Variants in BRSK1 observed in about 807,000 individuals in gnomAD.
The protein encoded by BRSK1 is serine/threonine-protein kinase BRSK1.
Under a neutral mutation model 86.2 loss-of-function variants are expected in BRSK1, and 17 were observed. That is an observed-to-expected ratio of 0.20 (90% CI 0.14 to 0.30). BRSK1 has a LOEUF of 0.30. Among genes scored for constraint, BRSK1 ranks in the 10% least tolerant of loss-of-function variants. The pLI is 1.00. For missense variants in BRSK1, 719 were observed against 1,071.9 expected (o/e 0.67, Z 4.60); for synonymous variants, 464 against 440.1 (o/e 1.05, Z -0.68).
At position 55,284,559 on chromosome 19, in the gene BRSK1, G is replaced by C. The variant is rs200610753; in HGVS notation, c.117G>C (p.Thr39=). ...QYVGPYRLEK[T]LGKGQTGLVK... ...TGGGCCCCTATCGGCTGGAGAAGAC[G>C]CTGGGCAAAGGACAGACAGGTGAGC... The change falls in exon 1 of 19, where the codon ACG becomes ACC. Residue 39 remains threonine, a synonymous_variant. Coordinates refer to ENST00000309383, the MANE Select transcript of BRSK1 (RefSeq NM_032430.2). The C allele has an allele frequency of 1.8e-6, 2 of 1,120,598 alleles. No homozygotes were observed. Among genetic ancestry groups the C allele is most frequent in the South Asian group, 2.3e-5 (1 of 42,622 alleles). The allele number at this position is 1,120,598 out of a possible 1,614,324, so 69.4% of individuals were successfully genotyped here.
At position 55,295,031 on chromosome 19, in the gene BRSK1, G is replaced by A. The variant is rs186306080; in HGVS notation, c.678+634G>A. 4.2e-3 allele frequency among the ~76,000 whole-genome samples: 632 copies of A among 152,196 alleles called. 2 individuals are homozygous for A. Among genetic ancestry groups the A allele is most frequent in the African/African-American group, 0.014 (597 of 41,522 alleles). ...TGGCCAGGTTGGTTTCGAACTCCTG[G>A]CCTCAAGTGATCCACCCTCCTCGGC... On this transcript the variant is annotated intron_variant, in intron 7 of 18. Coordinates refer to ENST00000309383, the MANE Select transcript of BRSK1 (RefSeq NM_032430.2).
rs371708220 is a variant in BRSK1, at chr19:55,303,710, C to T, written c.1170C>T (p.His390=). Residue 390 remains histidine (H), a synonymous_variant, in exon 12 of 19, where the codon CAC becomes CAT. Transcript: ENST00000309383. This position sits in a 1 kb window ranked among gnomAD's most constrained non-coding sequence, Gnocchi z 5.1. ...TGGATTCTCCCATGCTGAGCCGTCA[C>T]GGGAAGCGGCGACCAGAGCGGAAGT... ...KRVDSPMLSR[H]GKRRPERKSM... is the part of the protein sequence containing the mutation. The T allele has an allele frequency of 2.5e-6, 4 of 1,612,922 alleles. No individual in the cohort carries two copies. Among genetic ancestry groups the T allele is most frequent in the East Asian group, 2.2e-5 (1 of 44,880 alleles).
rs1321591963 is a variant in BRSK1 at position 55,304,580 on chromosome 19, G to A, written c.1377G>A (p.Pro459=). 4 of 1,582,544 alleles carry A rather than the reference G, an allele frequency of 2.5e-6. No individual in the cohort carries two copies. The highest frequency in any genetic ancestry group is 1.1e-5 in the South Asian group (1 of 87,176). ...CGGTCTTTTCCTTTTCACCGGAGCC[G>A]GGGGCTGGAGATGAGGCTCGAGGCG... is the stretch of plus-strand genomic sequence containing the variant. ...RSPVFSFSPE[P]GAGDEARGGG... The change falls in exon 14 of 19, where the codon CCG becomes CCA. Residue 459 remains proline, a synonymous_variant. Coordinates refer to ENST00000309383, the MANE Select transcript of BRSK1 (RefSeq NM_032430.2). The surrounding 1 kb of genome is among the most constrained non-coding windows in gnomAD (Gnocchi z 5.2).
Position 55,295,140 on chromosome 19 carries a change from T to A in BRSK1, c.678+743T>A, listed in dbSNP as rs191623591. ...TATTTTTATTTTTATTTTTATTTTT[T>A]GAGAGAGGATCTCTCTCTGTCGCCC... is the stretch of plus-strand genomic sequence containing the variant. On this transcript the variant is annotated intron_variant, in intron 7 of 18. Coordinates refer to ENST00000309383, the MANE Select transcript of BRSK1 (RefSeq NM_032430.2). Among the ~76,000 whole-genome samples the A allele has an allele frequency of 4.2e-3, 633 of 149,248 alleles. 2 individuals are homozygous for A. The highest frequency in any genetic ancestry group is 0.015 in the African/African-American group (605 of 40,796).
rs779166281 is a variant in BRSK1, at chr19:55,294,385, C to T, written c.666C>T (p.Phe222=). 64 of 1,613,912 alleles carry T rather than the reference C, an allele frequency of 4.0e-5. No individual in the cohort carries two copies. The highest frequency in any genetic ancestry group is 4.5e-5 in the Non-Finnish European group (53 of 1,180,012). The part of the protein sequence containing the change: ...ADMWSCGVIL[F]ALLVGALPFD... ...TGTGGAGCTGTGGAGTCATCCTCTT[C>T]GCCCTGCTCGTGGTAAGGCGCCCTC... The change falls in exon 7 of 19, where the codon TTC becomes TTT. Residue 222 remains phenylalanine, a synonymous_variant. Transcript: ENST00000309383. The surrounding 1 kb of genome is among the most constrained non-coding windows in gnomAD (Gnocchi z 4.9).
At position 55,306,526 on chromosome 19, in the gene BRSK1, G is replaced by A; in HGVS notation, c.2089+76G>A. The A allele has an allele frequency of 6.5e-7, 1 of 1,535,752 alleles. No individual in the cohort carries two copies. The highest frequency in any genetic ancestry group is 8.9e-7 in the Non-Finnish European group (1 of 1,124,448). On this transcript the variant is annotated intron_variant, in intron 17 of 18. Coordinates refer to ENST00000309383, the MANE Select transcript of BRSK1 (RefSeq NM_032430.2). The surrounding 1 kb of genome is among the most constrained non-coding windows in gnomAD (Gnocchi z 4.7). ...ACAGCTGAGACAGTGTAGGGGCCCA[G>A]GAGTGCAGCAGCAGGAGGAGGAAAT...
chr19:55,301,643 C>T lies in BRSK1; in HGVS notation c.810C>T (p.Pro270=), dbSNP rs760292580. The change falls in exon 8 of 19, where the codon CCC becomes CCT. Residue 270 remains proline, a synonymous_variant. Transcript: ENST00000309383. ...TGAGGGGAATGATCGAAGTGGAGCCCGAAAAAAGGCTCAGTGTGAGTTGAG... is the reference window on the plus strand; with the variant it reads ...TGAGGGGAATGATCGAAGTGGAGCCTGAAAAAAGGCTCAGTGTGAGTTGAG... ...SLLRGMIEVE[P]EKRLSLEQIQ... 1.3e-5 allele frequency: 21 copies of T among 1,609,998 alleles called. No individual in the cohort carries two copies. In the East Asian group the frequency reaches 4.2e-4, roughly 33 times the overall value.
rs1052849186 is a variant in BRSK1, at chr19:55,284,474, G to C, written c.32G>C (p.Gly11Ala). 24 of 1,324,386 alleles carry C rather than the reference G, an allele frequency of 1.8e-5. No individual in the cohort carries two copies. The highest frequency in any genetic ancestry group is 2.3e-5 in the Non-Finnish European group (23 of 1,013,722). 82.0% of individuals were successfully genotyped at this position (1,324,386 alleles called of 1,614,324 possible). Residue 11 changes from glycine (G) to alanine (A), a missense_variant, in exon 1 of 19, where the codon GGC becomes GCC. By Grantham distance (60) the Gly-to-Ala change is moderately conservative (BLOSUM62 0). Transcript: ENST00000309383. ...TCCGGGGCCAAGGAGGGAGGTGGGG[G>C]CTCTCCCGCCTACCACCTCCCCCAC... Reference protein sequence around the residue: MSSGAKEGGGGSPAYHLPHPH... With the variant: MSSGAKEGGGASPAYHLPHPH...
intron 1 of BRSK1, among the ~76,000 whole-genome samples, chr19:55,285,898 G>T (rs1600167518): frequency 6.6e-6 from 1 of 152,200 alleles, no homozygotes; most frequent in South Asian, 2.1e-4. Flanking sequence ...TGAAGGTGTT[G>T]CTGACCTGAA....
chr19:55,294,013 T>G lies in BRSK1; in HGVS notation c.459-4T>G, dbSNP rs1266817755. ...GAGGCCTGAGTCCCACCTGGCTGTC[T>G]CAGCCACAGAGACCTAAAGCCCGAG... On this transcript the variant is annotated splice_polypyrimidine_tract_variant and splice_region_variant and intron_variant, in intron 4 of 18. Coordinates refer to ENST00000309383, the MANE Select transcript of BRSK1 (RefSeq NM_032430.2). The surrounding 1 kb of genome is among the most constrained non-coding windows in gnomAD (Gnocchi z 4.9). The G allele has an allele frequency of 6.2e-7, 1 of 1,608,598 alleles. No individual in the cohort carries two copies. Among genetic ancestry groups the G allele is most frequent in the Non-Finnish European group, 8.5e-7 (1 of 1,176,730 alleles).
At chr19:55,300,004 T>C (rs2122968887) in intron 7 of BRSK1, among the ~76,000 whole-genome samples, 1 of 152,226 alleles carries the variant, frequency 6.6e-6, no homozygotes, top group Non-Finnish European at 1.5e-5. Context: ...GCCCTGGTGA[T>C]TGGAAGCATT....
chr19:55,305,571 C>T lies in BRSK1; in HGVS notation c.1875C>T (p.Val625=), dbSNP rs1051784130. Residue 625 remains valine, a synonymous_variant, in exon 16 of 19, where the codon GTC becomes GTT. Transcript: ENST00000309383. The stretch of plus-strand genomic sequence containing the variant: ...TCAGCAGCATCAAAGCAGACATCGT[C>T]CATGCCTTTCTGTCGGTGAGGGGCC... ...KPLSSIKADI[V]HAFLSIPSLS... 11 of 1,614,064 alleles carry T rather than the reference C, an allele frequency of 6.8e-6. No individual in the cohort carries two copies. Among genetic ancestry groups the T allele is most frequent in the Admixed American group, 5.0e-5 (3 of 60,010 alleles).
chr19:55,304,633 C>A lies in BRSK1; in HGVS notation c.1430C>A (p.Thr477Lys). 1.3e-6 allele frequency: 2 copies of A among 1,539,152 alleles called. No individual in the cohort carries two copies. Among genetic ancestry groups the A allele is most frequent in the Middle Eastern group, 2.0e-4 (1 of 4,890 alleles). ...GGCTCCCCGACTTCCAAAACGCAGA[C>A]GCTGCCTTCTCGGGGCCCCAGGGGT... ...GGGSPTSKTQ[T>K]LPSRGPRGGG... The change falls in exon 14 of 19, where the codon ACG becomes AAG. Residue 477 changes from threonine (T) to lysine (K), a missense_variant. Thr to Lys is a moderately conservative substitution (Grantham distance 78, BLOSUM62 -1). Around this residue, in one of 6 missense-constraint regions of BRSK1, gnomAD observed 143 missense variants for 120.1 expected, o/e 1.19. Transcript: ENST00000309383. The surrounding 1 kb of genome is among the most constrained non-coding windows in gnomAD (Gnocchi z 5.2).
intron 4 of BRSK1, among the ~76,000 whole-genome samples, chr19:55,291,565 A>G (rs1201622082): frequency 6.6e-6 from 1 of 152,202 alleles, no homozygotes; most frequent in African/African-American, 2.4e-5. Context: ...TAGCCTCCAA[A>G]TCAGATATTA....
chr19:55,290,095 A>T (rs2088381798), intron 4 of BRSK1, among the ~76,000 whole-genome samples: 1 of 152,100 alleles, frequency 6.6e-6, no homozygotes, highest in Non-Finnish European at 1.5e-5. Flanking sequence ...CCCAGGTTCA[A>T]TTGATTCTCC....
chr19:55,285,401 C>T (rs1157631044), intron 1 of BRSK1, among the ~76,000 whole-genome samples: 1 of 152,074 alleles, frequency 6.6e-6, no homozygotes, highest in Non-Finnish European at 1.5e-5. Flanking sequence ...ATGGAGGCGG[C>T]CTGCAGAGTG....
intron 1 of BRSK1, 100 bp downstream of exon 1, chr19:55,284,678 GACCC>G: frequency 3.8e-6 from 4 of 1,049,290 alleles, no homozygotes; most frequent in Non-Finnish European, 5.0e-6. Flanking sequence ...TGGCTGCCCA[GACCC>G]CTGGGCCCCT....
chr19:55,289,941 C>T (rs1380027201), intron 4 of BRSK1, among the ~76,000 whole-genome samples: 3 of 152,146 alleles, frequency 2.0e-5, no homozygotes, highest in African/African-American at 7.2e-5. Flanking sequence ...ATGGATTTAC[C>T]TATTCTAGAC....
In BRSK1 at chr19:55,302,305, G is replaced by A. The variant is rs2088583245; in HGVS notation, c.857+137G>A. ...CTAGGGACTCGGACTTATGGGTCCTGGGGGAAGAGGACACAGCTAGAGAAG... is the reference window on the plus strand; with the variant it reads ...CTAGGGACTCGGACTTATGGGTCCTAGGGGAAGAGGACACAGCTAGAGAAG... On this transcript the variant is annotated intron_variant, in intron 9 of 18. Coordinates refer to ENST00000309383, the MANE Select transcript of BRSK1 (RefSeq NM_032430.2). This position sits in a 1 kb window ranked among gnomAD's most constrained non-coding sequence, Gnocchi z 6.3. 1.0e-6 allele frequency: 1 copy of A among 993,852 alleles called. No individual in the cohort carries two copies. 61.6% of individuals were successfully genotyped at this position (993,852 alleles called of 1,614,324 possible).
Sources: allele counts gnomAD v4.1 joint callset (sites outside exome capture counted in the v4.1 genomes callset), GRCh38; gene constraint gnomAD v4.1.1; regional missense constraint gnomAD v4.1.1; non-coding constraint Gnocchi (gnomAD v3.1); transcripts MANE v1.5; gene names NCBI Gene and HGNC (gene_info 2026-07-23, HGNC 2026-07-21).